The following USP50 variants were observed in gnomAD, a reference collection of about 807,000 sequenced individuals.
USP50 encodes the protein ubiquitin specific peptidase 50.
USP50 carries 37 observed loss-of-function variants against 39.2 expected under a neutral mutation model. That is an observed-to-expected ratio of 0.94 (90% confidence interval 0.73 to 1.24). The LOEUF is 1.24. USP50 is among the 50% of genes most tolerant of loss of function. USP50 has a pLI of 0.00. For missense variants in USP50, 374 were observed against 398.2 expected (o/e 0.94, Z 0.52); for synonymous variants, 139 against 144.5 (o/e 0.96, Z 0.27).
In USP50 at chr15:50,543,792, C is replaced by G. The variant is rs771149676; in HGVS notation, c.250G>C (p.Asp84His). The G allele has an allele frequency of 6.2e-7, 1 of 1,605,260 alleles. No individual in the cohort carries two copies. The highest frequency in any genetic ancestry group is 8.5e-7 in the Non-Finnish European group (1 of 1,175,544). The change falls in exon 3 of 7, where the codon GAT (aspartate) becomes CAT (histidine). Residue 84 changes from aspartate to histidine, a missense_variant and splice_region_variant. Asp to His is a moderately conservative substitution (Grantham distance 81). Transcript: ENST00000532404. Reference protein sequence around the residue: ...TGKYITALQNDCSEVATAFAY... With the variant: ...TGKYITALQNHCSEVATAFAY... ...AAAGCAGTGGCAACTTCACTGCAAT[C>G]GCTTGGAAGAAGAAAGGGATATGTT... is the stretch of plus-strand genomic sequence containing the variant.
At chr15:50,525,622 G>GTATATGTATATATGTATATGTA (rs1566907640) in intron 6 of USP50, among the ~76,000 whole-genome samples, 1 of 130,478 alleles carries the variant, frequency 7.7e-6, no homozygotes, top group African/African-American at 3.0e-5. Flanking sequence ...ATGTATATAT[G>GTATATGTATATATGTATATGTA]TATATGTATA....
At chr15:50,501,696 T>C (rs1052762671) in intron 6 of USP50, 6 of 152,138 alleles carry the variant, frequency 3.9e-5, no homozygotes, top group Non-Finnish European at 7.4e-5. Context: ...CCCAGTATTG[T>C]TTGGAACAAA....
intron 1 of USP50, chr15:50,494,160 T>G (rs1379667337): frequency 6.2e-7 from 1 of 1,613,288 alleles, no homozygotes; most frequent in Non-Finnish European, 8.5e-7. Context: ...GATATATCAG[T>G]CCAAAGGACT....
At chr15:50,527,723 C>A (rs1157280288) in intron 6 of USP50, among the ~76,000 whole-genome samples, 2 of 151,588 alleles carry the variant, frequency 1.3e-5, no homozygotes, top group African/African-American at 4.8e-5. Flanking sequence ...CAACTTCTGC[C>A]TCCTGGGTTC....
At chr15:50,538,583 A>C in intron 5 of USP50, 126 bp downstream of exon 5, 1 of 1,071,548 alleles carries the variant, frequency 9.3e-7, no homozygotes, top group South Asian at 2.4e-5. Flanking sequence ...CAATTTAAAA[A>C]CAATAATGTA....
rs768871292 is a variant in USP50, at chr15:50,541,254, G to C, written c.455C>G (p.Ser152Cys). The stretch of plus-strand genomic sequence containing the variant: ...TCCTTTCTCATATGATCTTCTCCGG[G>C]AGTAGTGGTACTGAATCAAGGAGCA... ...LHEALKKYHY[S>C]RRRSYEKGST... Residue 152 changes from serine to cysteine, a missense_variant, in exon 4 of 7, where the codon TCC (serine) becomes TGC (cysteine). Ser to Cys is a moderately radical substitution (Grantham distance 112). Transcript: ENST00000532404. 6 of 1,613,404 alleles carry C rather than the reference G, an allele frequency of 3.7e-6. No homozygotes were observed. The Admixed American group carries it at 1.0e-4, about 27-fold the overall frequency.
chr15:50,495,010 CTCTT>C (rs1566890936), intron 1 of USP50, among the ~76,000 whole-genome samples: 2 of 144,680 alleles, frequency 1.4e-5, no homozygotes, highest in South Asian at 2.2e-4. Context: ...CAGAGTGAGA[CTCTT>C]TCTAAAAAAA....
At chr15:50,529,460 C>A (rs1308811388) in intron 6 of USP50, among the ~76,000 whole-genome samples, 3 of 152,222 alleles carry the variant, frequency 2.0e-5, no homozygotes, top group African/African-American at 7.2e-5. Context: ...TGATGGCACT[C>A]CAGCCTGGGC....
At chr15:50,517,353 T>C (rs2052811715) in intron 6 of USP50, among the ~76,000 whole-genome samples, 1 of 151,666 alleles carries the variant, frequency 6.6e-6, no homozygotes, top group Non-Finnish European at 1.5e-5. Context: ...GCGCCTGTAA[T>C]CCCAGCAACT....
chr15:50,525,660 A>G (rs1227746177), intron 6 of USP50, among the ~76,000 whole-genome samples: 1 of 31,186 alleles, frequency 3.2e-5, no homozygotes, highest in Non-Finnish European at 7.5e-5. Flanking sequence ...GTATATGTAT[A>G]TATGTATATG....
Position 50,538,705 on chromosome 15 carries a change from A to C in USP50, c.803+4T>G. 1.3e-6 allele frequency: 2 copies of C among 1,566,138 alleles called. No homozygotes were observed. The highest frequency in any genetic ancestry group is 8.7e-7 in the Non-Finnish European group (1 of 1,156,056). ...TGTGCCCACAAAAATGTAAAAATCC[A>C]TACCTTTTTAGGTGGAAAATAATTA... is the stretch of plus-strand genomic sequence containing the variant. On this transcript the variant is annotated splice_donor_region_variant and intron_variant, in intron 5 of 6. Transcript: ENST00000532404.
At chr15:50,510,322 T>A (rs189339745) in intron 6 of USP50, 15 of 152,288 alleles carry the variant, frequency 9.8e-5, no homozygotes. Flanking sequence ...GGAAAGGATT[T>A]CTTAAATGAG....
At chr15:50,538,399 G>C (rs1596019619) in intron 5 of USP50, among the ~76,000 whole-genome samples, 2 of 152,120 alleles carry the variant, frequency 1.3e-5, no homozygotes. Context: ...AGGGACTAGG[G>C]GGAGCAGGAA....
At chr15:50,530,007 T>A (rs901443777) in intron 5 of USP50, 78 bp from the exon 6 acceptor site, 3 of 1,573,328 alleles carry the variant, frequency 1.9e-6, no homozygotes, top group Non-Finnish European at 2.6e-6. Context: ...ATTCCGAGTA[T>A]TTTAAAAGTA....
At chr15:50,499,656 G>A (rs1252317335), downstream of USP50, 1 of 151,506 alleles carries the variant, frequency 6.6e-6, no homozygotes, top group Non-Finnish European at 1.5e-5. Flanking sequence ...CAATTTTTCT[G>A]TTGGCTTTGG....
intron 6 of USP50, chr15:50,513,794 CT>C (rs1388770408): frequency 6.6e-6 from 1 of 152,190 alleles, no homozygotes; most frequent in African/African-American, 2.4e-5. Flanking sequence ...TTTAAGGCAA[CT>C]GAAACTTCCA....
Position 50,538,874 on chromosome 15 carries a change from G to A in USP50, c.661-23C>T, listed in dbSNP as rs779694546. 1.9e-6 allele frequency: 3 copies of A among 1,581,084 alleles called. No individual in the cohort carries two copies. In the South Asian group the frequency reaches 3.5e-5, roughly 19 times the overall value. On this transcript the variant is annotated intron_variant, in intron 4 of 6. Coordinates refer to ENST00000532404, the MANE Select transcript of USP50 (RefSeq NM_203494.5). ...GTCCTGTTAAGGAAAAAAAGGATTTGGTGACCAAATTGGATCAACTGCAAC... is the reference window on the plus strand; with the variant it reads ...GTCCTGTTAAGGAAAAAAAGGATTTAGTGACCAAATTGGATCAACTGCAAC...
chr15:50,546,304 T>C (rs944009569), intron 1 of USP50, among the ~76,000 whole-genome samples, 169 bp downstream of exon 1: 3 of 152,170 alleles, frequency 2.0e-5, no homozygotes, highest in Non-Finnish European at 2.9e-5. Flanking sequence ...AGGAAGGACA[T>C]GTATTTATTG....
At chr15:50,505,563 T>C (rs2052647328) in intron 6 of USP50, 1 of 152,098 alleles carries the variant, frequency 6.6e-6, no homozygotes, top group South Asian at 2.1e-4. Flanking sequence ...TGATACATAA[T>C]AGACAGTGAT....
Sources: allele counts gnomAD v4.1 joint callset (sites outside exome capture counted in the v4.1 genomes callset), GRCh38; gene constraint gnomAD v4.1.1; transcripts MANE v1.5; gene names NCBI Gene and HGNC (gene_info 2026-07-23, HGNC 2026-07-21).